Variants in LRRC59 observed in about 807,000 individuals in gnomAD.
LRRC59 encodes leucine-rich repeat-containing protein 59.
A neutral mutation model predicts 33.5 loss-of-function variants in LRRC59; 18 were observed. That is an observed-to-expected ratio of 0.54 (90% CI 0.37 to 0.80). LRRC59 has a LOEUF of 0.80. Among genes scored for constraint, LRRC59 ranks in the 30% least tolerant of loss-of-function variants. The pLI is 0.00. For missense variants in LRRC59, 330 were observed against 391.9 expected (o/e 0.84, Z 1.33); for synonymous variants, 138 against 160.0 (o/e 0.86, Z 1.04).
At chr17:50,394,702 C>T (rs916535113) in intron 2 of LRRC59, among the ~76,000 whole-genome samples, 1 of 152,156 alleles carries the variant, frequency 6.6e-6, no homozygotes, top group Admixed American at 6.5e-5. Context: ...ACTGACTTTA[C>T]CACTGTTCTG....
chr17:50,397,097 G>T, intron 1 of LRRC59, 116 bp downstream of exon 1: 1 of 795,458 alleles, frequency 1.3e-6, no homozygotes, highest in Non-Finnish European at 1.9e-6. Context: ...CCACCACCCC[G>T]CTTCTTTTTA....
chr17:50,394,879 G>A, intron 2 of LRRC59, 50 bp downstream of exon 2: 1 of 1,326,802 alleles, frequency 7.5e-7, no homozygotes, highest in Non-Finnish European at 1.1e-6. Context: ...AAACAGGAAG[G>A]AGATGCATCC....
intron 4 of LRRC59, among the ~76,000 whole-genome samples, chr17:50,388,445 G>A (rs4794138): frequency 0.18 from 27,882 of 152,122 alleles, 3,065 homozygotes; most frequent in Non-Finnish European, 0.24. Context: ...GGAGGCCAAG[G>A]AGAGAGGATT....
chr17:50,388,548 A>AACC (rs149980457), intron 4 of LRRC59, among the ~76,000 whole-genome samples: 33 of 152,032 alleles, frequency 2.2e-4, no homozygotes, highest in South Asian at 2.1e-4. Context: ...TCAAAACAAC[A>AACC]ACCACCACCA....
intron 4 of LRRC59, among the ~76,000 whole-genome samples, chr17:50,388,386 A>T (rs1403321581): frequency 6.6e-6 from 1 of 152,156 alleles, no homozygotes; most frequent in South Asian, 2.1e-4. Flanking sequence ...AGAAAAATGT[A>T]AAAAATTGGC....
chr17:50,385,103 A>T lies in LRRC59; in HGVS notation c.676+15T>A. On this transcript the variant is annotated intron_variant, in intron 6 of 6. Coordinates refer to ENST00000225972, the MANE Select transcript of LRRC59 (RefSeq NM_018509.4). The stretch of plus-strand genomic sequence containing the variant: ...TGTACCCCTGCTGGAATCTTACAAC[A>T]GGCAGAAAACTTACTCGGGGCCTGA... The T allele has an allele frequency of 6.2e-7, 1 of 1,611,562 alleles. No individual in the cohort carries two copies. The highest frequency in any genetic ancestry group is 8.5e-7 in the Non-Finnish European group (1 of 1,178,854).
At chr17:50,385,327 C>G in intron 5 of LRRC59, 36 bp from the exon 6 acceptor site, 4 of 1,603,352 alleles carry the variant, frequency 2.5e-6, no homozygotes, top group Non-Finnish European at 3.4e-6. Flanking sequence ...ACTTCTCTCT[C>G]ACAAACACTC....
chr17:50,394,850 A>G, intron 2 of LRRC59, 79 bp downstream of exon 2: 1 of 519,830 alleles, frequency 1.9e-6, no homozygotes, highest in Non-Finnish European at 3.7e-6. Context: ...ACACCCTCCC[A>G]CCCCCCTCTC....
At chr17:50,388,548 AACCACCACC>A (rs149980457) in intron 4 of LRRC59, among the ~76,000 whole-genome samples, 6,947 of 152,000 alleles carry the variant, frequency 0.046, 553 homozygotes, top group African/African-American at 0.16. Context: ...TCAAAACAAC[AACCACCACC>A]ACCACCACCA....
At chr17:50,388,159 G>A in intron 4 of LRRC59, 27 bp from the exon 5 acceptor site, 1 of 1,600,314 alleles carries the variant, frequency 6.2e-7, no homozygotes, top group Non-Finnish European at 8.6e-7. Flanking sequence ...GGAAAGTAGT[G>A]CTCTTCATAG....
In LRRC59 at chr17:50,382,996, G is replaced by A; in HGVS notation, c.916C>T (p.Gln306Ter). The change falls in exon 7 of 7, where the codon CAG becomes TAG. Residue 306 changes from glutamine (Q) to a stop codon, truncating the protein, a stop_gained. Coordinates refer to ENST00000225972, the MANE Select transcript of LRRC59 (RefSeq NM_018509.4). LOFTEE classifies it high-confidence loss of function. ...ILQWVLQTDS[Q>*]Q is the part of the protein sequence containing the mutation. ...AGGTGCTGGGGACAAGCTCACTGCTGAGAGTCGGTCTGGAGGACCCACTGG... is the reference window on the plus strand; with the variant it reads ...AGGTGCTGGGGACAAGCTCACTGCTAAGAGTCGGTCTGGAGGACCCACTGG... 1.2e-6 allele frequency: 2 copies of A among 1,612,684 alleles called. No individual in the cohort carries two copies. The highest frequency in any genetic ancestry group is 1.7e-6 in the Non-Finnish European group (2 of 1,179,890).
In LRRC59 at chr17:50,385,010, T is replaced by C. The variant is rs572738287; in HGVS notation, c.676+108A>G. On this transcript the variant is annotated intron_variant, in intron 6 of 6. Coordinates refer to ENST00000225972, the MANE Select transcript of LRRC59 (RefSeq NM_018509.4). The stretch of plus-strand genomic sequence containing the variant: ...TCATCCACTCCCAAGCTTTAGAGTG[T>C]ACTTTATCTAAGGTTTGCAGGCCTG... 556 of 1,263,794 alleles carry C rather than the reference T, an allele frequency of 4.4e-4. 2 individuals are homozygous for C. The South Asian group carries it at 7.3e-3, about 16-fold the overall frequency. 78.3% of individuals were successfully genotyped at this position (1,263,794 alleles called of 1,614,324 possible).
intron 2 of LRRC59, among the ~76,000 whole-genome samples, chr17:50,393,480 C>G (rs1436354204): frequency 6.6e-6 from 1 of 152,206 alleles, no homozygotes; most frequent in African/African-American, 2.4e-5. Context: ...AGTACTCAGT[C>G]TGATTCTTGT....
At chr17:50,396,948 A>G in intron 1 of LRRC59, 1 of 402,588 alleles carries the variant, frequency 2.5e-6, no homozygotes, top group Non-Finnish European at 4.4e-6. Context: ...CGCAAAGGTG[A>G]CAGATTCGCT....
At chr17:50,384,752 T>G in intron 6 of LRRC59, among the ~76,000 whole-genome samples, 2 of 117,806 alleles carry the variant, frequency 1.7e-5, no homozygotes, top group Admixed American at 9.3e-5. Context: ...GCAACAAGAG[T>G]GAAACTCTGT....
At chr17:50,388,862 A>G (rs567123211) in intron 4 of LRRC59, among the ~76,000 whole-genome samples, 1 of 152,124 alleles carries the variant, frequency 6.6e-6, no homozygotes, top group African/African-American at 2.4e-5. Flanking sequence ...AACACAGGAC[A>G]TTGTAGCTAC....
In LRRC59 at chr17:50,381,521, G is replaced by A. The variant is rs1383788678; in HGVS notation, c.*1467C>T. 1.3e-5 allele frequency: 2 copies of A among 153,780 alleles called. No individual in the cohort carries two copies. The highest frequency in any genetic ancestry group is 4.8e-5 in the African/African-American group (2 of 41,460). 9.5% of individuals were successfully genotyped at this position (153,780 alleles called of 1,614,324 possible). ...GATTCTGAGTAAGATGTAGACCTAC[G>A]CAGCAGAGCTATGGGGGAGAAGATT... is the stretch of plus-strand genomic sequence containing the variant. On this transcript the variant is annotated 3_prime_UTR_variant, in exon 7 of 7. Coordinates refer to ENST00000225972, the MANE Select transcript of LRRC59 (RefSeq NM_018509.4).
chr17:50,388,679 C>T (rs542180451), intron 4 of LRRC59, among the ~76,000 whole-genome samples: 1 of 152,190 alleles, frequency 6.6e-6, no homozygotes, highest in African/African-American at 2.4e-5. Flanking sequence ...AAAAGTGAAA[C>T]ACAATGCCAA....
rs529915566 is a variant in LRRC59 at position 50,397,152 on chromosome 17, C to T, written c.105+61G>A. 3.3e-5 allele frequency: 42 copies of T among 1,270,862 alleles called. No homozygotes were observed. The East Asian group carries it at 9.3e-4, about 28-fold the overall frequency. The allele number at this position is 1,270,862 out of a possible 1,614,324, so 78.7% of individuals were successfully genotyped here. ...TTTTAGAGAAGAGGAAAGTAAGTGG[C>T]CCACGTAGGGGCCAGCGCCCGGCGA... On this transcript the variant is annotated intron_variant, in intron 1 of 6. Coordinates refer to ENST00000225972, the MANE Select transcript of LRRC59 (RefSeq NM_018509.4).
Sources: allele counts gnomAD v4.1 joint callset (sites outside exome capture counted in the v4.1 genomes callset), GRCh38; gene constraint gnomAD v4.1.1; transcripts MANE v1.5; gene names NCBI Gene and HGNC (gene_info 2026-07-23, HGNC 2026-07-21).